Variants in BFSP1 observed in about 807,000 individuals in gnomAD.
BFSP1 encodes the protein filensin.
Under a neutral mutation model 43.9 loss-of-function variants are expected in BFSP1, and 38 were observed. That is an observed-to-expected ratio of 0.87 (90% confidence interval 0.67 to 1.14). The LOEUF (loss-of-function observed/expected upper bound fraction) is 1.14, where lower values mean the gene tolerates loss of function less well. Among genes scored for constraint, BFSP1 ranks in the 50% most tolerant of loss-of-function variants. The probability of loss-of-function intolerance (pLI) is 0.00; values close to 1 mark genes in which losing one functional copy is unlikely to be tolerated. For synonymous variants in BFSP1, 352 were observed against 354.8 expected, an observed-to-expected ratio of 0.99 and a Z score of 0.09; for missense variants, 850 against 875.1, an observed-to-expected ratio of 0.97 and a Z score of 0.36.
intron 1 of BFSP1, among the ~76,000 whole-genome samples, chr20:17,538,998 A>G (rs907152219): frequency 6.6e-6 from 1 of 151,678 alleles, no homozygotes; most frequent in African/African-American, 2.4e-5. Flanking sequence ...TCCAACTGGC[A>G]TGCCCACTCT....
intron 1 of BFSP1, among the ~76,000 whole-genome samples, chr20:17,528,230 C>G (rs965126523): frequency 6.6e-6 from 1 of 152,134 alleles, no homozygotes; most frequent in Non-Finnish European, 1.5e-5. Context: ...TCCAAGGGGG[C>G]AAAGGGAGGG....
chr20:17,544,106 C>G (rs1195094572), intron 1 of BFSP1, among the ~76,000 whole-genome samples: 2 of 152,136 alleles, frequency 1.3e-5, no homozygotes, highest in Non-Finnish European at 2.9e-5. Flanking sequence ...CCCAGGACAC[C>G]AGTAGAAGAG....
chr20:17,494,390 T>C lies in BFSP1; in HGVS notation c.1682A>G (p.Glu561Gly). The change falls in exon 8 of 8, where the codon GAG (glutamate) becomes GGG (glycine). Residue 561 changes from glutamate to glycine, a missense_variant. Coordinates refer to ENST00000377873, the MANE Select transcript of BFSP1 (RefSeq NM_001195.5). ...AELEGPEEKR[E>G]GEERDEESRR... ...GGACTCTTCGTCCCGCTCCTCACCC[T>C]CACGTTTCTCTTCAGGGCCTTCCAG... 1 of 1,614,222 alleles carries C rather than the reference T, an allele frequency of 6.2e-7. No individual in the cohort carries two copies. Among genetic ancestry groups the C allele is most frequent in the East Asian group, 2.2e-5 (1 of 44,886 alleles).
intron 7 of BFSP1, among the ~76,000 whole-genome samples, chr20:17,495,275 G>A (rs200745109): frequency 6.6e-6 from 1 of 152,164 alleles, no homozygotes; most frequent in East Asian, 1.9e-4. Context: ...CAGAGGGAAG[G>A]TGCTCCCTGT....
chr20:17,503,721 G>T (rs2033860542), intron 5 of BFSP1, among the ~76,000 whole-genome samples: 1 of 152,154 alleles, frequency 6.6e-6, no homozygotes, highest in Non-Finnish European at 1.5e-5. Context: ...GCAACAATAT[G>T]CAAGCACACA....
intron 4 of BFSP1, among the ~76,000 whole-genome samples, chr20:17,510,275 T>G (rs1482615698): frequency 6.6e-6 from 1 of 152,226 alleles, no homozygotes; most frequent in Non-Finnish European, 1.5e-5. Context: ...GTCAGTTTAG[T>G]GTCTGTATAC....
intron 1 of BFSP1, among the ~76,000 whole-genome samples, chr20:17,555,288 C>CAAAAAAAA (rs929219257): frequency 9.1e-5 from 4 of 44,108 alleles, no homozygotes; most frequent in Non-Finnish European, 8.8e-5. Context: ...TCCTATCTCA[C>CAAAAAAAA]AAAAAAAAAA....
In BFSP1 at chr20:17,530,997, G is replaced by A; in HGVS notation, c.333C>T (p.Arg111=). 3 of 1,440,292 alleles carry A rather than the reference G, an allele frequency of 2.1e-6. No individual in the cohort carries two copies. Among genetic ancestry groups the A allele is most frequent in the Non-Finnish European group, 2.7e-6 (3 of 1,101,570 alleles). The allele number at this position is 1,440,292 out of a possible 1,614,324, so 89.2% of individuals were successfully genotyped here. ...GCGCGCGCTGCGCCTCGGTGCCCTG[G>A]CGCTCCAGCCGGGCGCGCTCGGCCT... ...DLEAERARLE[R]QGTEAQRALD... The change falls in exon 1 of 8, where the codon CGC becomes CGT. Residue 111 remains arginine (R), a synonymous_variant. Coordinates refer to ENST00000377873, the MANE Select transcript of BFSP1 (RefSeq NM_001195.5).
At chr20:17,527,020 A>C (rs1183121718) in intron 1 of BFSP1, among the ~76,000 whole-genome samples, 1 of 152,244 alleles carries the variant, frequency 6.6e-6, no homozygotes, top group Non-Finnish European at 1.5e-5. Flanking sequence ...TTCTGCAACC[A>C]TGAAAGGTGC....
chr20:17,510,893 C>G (rs988318658), intron 4 of BFSP1, among the ~76,000 whole-genome samples: 1 of 152,224 alleles, frequency 6.6e-6, no homozygotes, highest in Non-Finnish European at 1.5e-5. Context: ...CTGTAGTAGC[C>G]TACCACAACC....
upstream of BFSP1, among the ~76,000 whole-genome samples, chr20:17,562,019 C>A (rs995966410): frequency 1.3e-5 from 2 of 151,976 alleles, no homozygotes; most frequent in African/African-American, 4.8e-5. Flanking sequence ...CTCCTGGGTT[C>A]ATGCGATTAT....
At chr20:17,533,200 T>A (rs979681341), upstream of BFSP1, among the ~76,000 whole-genome samples, 9 of 152,030 alleles carry the variant, frequency 5.9e-5, no homozygotes, top group Non-Finnish European at 2.9e-5. Flanking sequence ...TTTATAAAAA[T>A]AAAAATAATA....
At chr20:17,526,154 G>T in intron 1 of BFSP1, among the ~76,000 whole-genome samples, 1 of 89,994 alleles carries the variant, frequency 1.1e-5, no homozygotes, top group Non-Finnish European at 2.3e-5. Flanking sequence ...GGGGGGGGGG[G>T]GGGGGGCTGG....
rs201764439 is a variant in BFSP1 at position 17,494,338 on chromosome 20, G to T, written c.1734C>A (p.Pro578=). 6.2e-7 allele frequency: 1 copy of T among 1,613,992 alleles called. No homozygotes were observed. Among genetic ancestry groups the T allele is most frequent in the African/African-American group, 1.3e-5 (1 of 74,908 alleles). Residue 578 remains proline (P), a synonymous_variant, in exon 8 of 8, where the codon CCC becomes CCA. Coordinates refer to ENST00000377873, the MANE Select transcript of BFSP1 (RefSeq NM_001195.5). ...ESRRPCAMVT[P]GAEEPSIPEP... is the part of the protein sequence containing the mutation. The stretch of plus-strand genomic sequence containing the variant: ...CAGGTATAGATGGTTCCTCTGCACC[G>T]GGTGTGACCATGGCACAGGGTCTCC...
Position 17,512,245 on chromosome 20 carries a change from T to C in BFSP1, c.535-177A>G, listed in dbSNP as rs140514230. Among the ~76,000 whole-genome samples the C allele has an allele frequency of 7.4e-3, 1,132 of 152,338 alleles. 13 individuals carry two copies. The highest frequency in any genetic ancestry group is 0.026 in the African/African-American group (1,074 of 41,582). On this transcript the variant is annotated intron_variant, in intron 3 of 7. Transcript: ENST00000377873. ...ATGCATTTGCTGCCATGGGTGGGCCTGCCCACATGTGCACCATGCTCATTC... is the reference window on the plus strand; with the variant it reads ...ATGCATTTGCTGCCATGGGTGGGCCCGCCCACATGTGCACCATGCTCATTC...
At chr20:17,496,842 G>T in intron 7 of BFSP1, 96 bp downstream of exon 7, 2 of 1,113,318 alleles carry the variant, frequency 1.8e-6, no homozygotes, top group Non-Finnish European at 2.5e-6. Context: ...TTTCCAGATG[G>T]ATCTGAAGCA....
intron 2 of BFSP1, among the ~76,000 whole-genome samples, chr20:17,521,416 T>TAGGATGC (rs1321420780): frequency 3.2e-4 from 48 of 152,124 alleles, no homozygotes; most frequent in African/African-American, 1.2e-3. Flanking sequence ...ATCCTCCAAG[T>TAGGATGC]AGGATGCAAA....
At chr20:17,541,755 G>T (rs532258222) in intron 1 of BFSP1, among the ~76,000 whole-genome samples, 24 of 152,172 alleles carry the variant, frequency 1.6e-4, no homozygotes, top group African/African-American at 5.8e-4. Context: ...ATCCAAGTTG[G>T]ATATGGGTTG....
chr20:17,497,656 T>C (rs150560658), intron 6 of BFSP1, among the ~76,000 whole-genome samples: 1 of 149,898 alleles, frequency 6.7e-6, no homozygotes, highest in African/African-American at 2.4e-5. Context: ...ATATATCTAC[T>C]CATATATACG....
Sources: allele counts gnomAD v4.1 joint callset (sites outside exome capture counted in the v4.1 genomes callset), GRCh38; gene constraint gnomAD v4.1.1; transcripts MANE v1.5; gene names NCBI Gene and HGNC (gene_info 2026-07-23, HGNC 2026-07-21).